NEGR1: variants seen among roughly 807,000 people sequenced by gnomAD.
The protein encoded by NEGR1 is IgLON family member 4.
Under a neutral mutation model 40.9 loss-of-function variants are expected in NEGR1, and 10 were observed. The ratio of observed to expected loss-of-function variants is 0.24; its 90% CI spans 0.15 to 0.42. The LOEUF is 0.42. Among genes scored for constraint, NEGR1 ranks in the 10% least tolerant of loss-of-function variants. NEGR1 has a pLI of 1.00. For synonymous variants in NEGR1, 185 were observed against 166.8 expected, an observed-to-expected ratio of 1.11 and a Z score of -0.84; for missense variants, 352 against 438.9, an observed-to-expected ratio of 0.80 and a Z score of 1.77.
chr1:71,916,155 T>A (rs1661576601), intron 2 of NEGR1, among the ~76,000 whole-genome samples: 1 of 152,170 alleles, frequency 6.6e-6, no homozygotes. Context: ...TGACTACACT[T>A]CTTCCTACAG....
chr1:72,282,304 C>T lies in NEGR1; in HGVS notation c.176+15G>A. ...TAGACCGAAACAAGTACGAAAAGCACGCCGTTCTTCCTACCTAAGCACCGC... is the reference window on the plus strand; with the variant it reads ...TAGACCGAAACAAGTACGAAAAGCATGCCGTTCTTCCTACCTAAGCACCGC... On this transcript the variant is annotated intron_variant, in intron 1 of 6. Coordinates refer to ENST00000357731, the MANE Select transcript of NEGR1 (RefSeq NM_173808.3). 2 of 1,612,890 alleles carry T rather than the reference C, an allele frequency of 1.2e-6. No homozygotes were observed. The highest frequency in any genetic ancestry group is 1.7e-6 in the Non-Finnish European group (2 of 1,179,140).
At chr1:71,439,606 A>G (rs1057461721) in intron 6 of NEGR1, 3 of 152,238 alleles carry the variant, frequency 2.0e-5, no homozygotes, top group Non-Finnish European at 4.4e-5. Flanking sequence ...CCAGGAATCT[A>G]CCTGCCTTGG....
chr1:71,914,741 C>A (rs566760317), intron 2 of NEGR1, among the ~76,000 whole-genome samples: 9 of 152,272 alleles, frequency 5.9e-5, no homozygotes, highest in Non-Finnish European at 8.8e-5. Context: ...AGAGCTACCA[C>A]AGCTCATGTA....
intron 2 of NEGR1, among the ~76,000 whole-genome samples, chr1:71,925,729 A>G (rs62846962): frequency 1.5e-4 from 5 of 32,770 alleles, no homozygotes; most frequent in South Asian, 2.7e-3. Flanking sequence ...ATGATTTGGG[A>G]AAAAAAAAAA....
In NEGR1 at chr1:71,593,043, G is replaced by T. The variant is rs1223512307; in HGVS notation, c.789-75C>A. On this transcript the variant is annotated intron_variant, in intron 5 of 6. Transcript: ENST00000357731. ...TCATTTTTTTATCTTAGCTGGGGTT[G>T]TCATGGCAACCCATAGACAATTCAA... 43 of 1,045,026 alleles carry T rather than the reference G, an allele frequency of 4.1e-5. No individual in the cohort carries two copies. The Admixed American group carries it at 7.9e-4, about 19-fold the overall frequency. 64.7% of individuals were successfully genotyped at this position (1,045,026 alleles called of 1,614,324 possible). A position where few individuals can be genotyped will look rare whatever the true frequency, so the allele number is the denominator to read the frequency against.
intron 2 of NEGR1, among the ~76,000 whole-genome samples, chr1:71,925,946 GT>G (rs147663609): frequency 0.023 from 3,518 of 151,674 alleles, 123 homozygotes; most frequent in African/African-American, 0.079. Flanking sequence ...TATTTTCTTT[GT>G]TTTTTTTAAG....
chr1:72,148,960 C>T (rs1006099541), intron 1 of NEGR1, among the ~76,000 whole-genome samples: 10 of 152,168 alleles, frequency 6.6e-5, no homozygotes, highest in African/African-American at 2.2e-4. Context: ...TTATCCAGTT[C>T]CAAAGTCACT....
intron 4 of NEGR1, among the ~76,000 whole-genome samples, chr1:71,632,080 A>G (rs369396895): frequency 1.3e-5 from 2 of 151,772 alleles, no homozygotes; most frequent in Admixed American, 6.6e-5. Context: ...AAGGTATGGC[A>G]TATAACAAAC....
intron 1 of NEGR1, among the ~76,000 whole-genome samples, chr1:71,994,413 A>G (rs1311856730): frequency 6.6e-6 from 1 of 151,964 alleles, no homozygotes; most frequent in Non-Finnish European, 1.5e-5. Flanking sequence ...CTGTAGTACC[A>G]GCTACTCGGG....
chr1:71,671,784 C>A (rs1437237573), intron 4 of NEGR1, among the ~76,000 whole-genome samples: 4 of 152,160 alleles, frequency 2.6e-5, no homozygotes, highest in Non-Finnish European at 5.9e-5. Flanking sequence ...CCGTTAGTAC[C>A]CAATTAATCA....
chr1:72,188,993 T>C (rs572478907), intron 1 of NEGR1, among the ~76,000 whole-genome samples: 2 of 151,620 alleles, frequency 1.3e-5, no homozygotes, highest in African/African-American at 4.8e-5. Flanking sequence ...CTTTTTCTTA[T>C]CATCTAATGT....
intron 1 of NEGR1, among the ~76,000 whole-genome samples, chr1:72,026,349 C>A (rs1278797870): frequency 3.3e-5 from 5 of 150,102 alleles, no homozygotes; most frequent in Admixed American, 6.7e-5. Flanking sequence ...AAAACTAAAA[C>A]CCTTGTCTCT....
At chr1:71,988,874 C>T (rs1326994958) in intron 1 of NEGR1, among the ~76,000 whole-genome samples, 2 of 130,716 alleles carry the variant, frequency 1.5e-5, no homozygotes, top group Admixed American at 8.7e-5. Flanking sequence ...GGAAAAACCA[C>T]ATATCCATGC....
At chr1:72,040,593 A>T (rs891461313) in intron 1 of NEGR1, among the ~76,000 whole-genome samples, 5 of 148,094 alleles carry the variant, frequency 3.4e-5, no homozygotes, top group Non-Finnish European at 6.0e-5. Flanking sequence ...AAAAAAAAAA[A>T]AAAAAAAAAA....
intron 1 of NEGR1, among the ~76,000 whole-genome samples, chr1:72,131,923 C>A (rs985096475): frequency 6.6e-6 from 1 of 151,900 alleles, no homozygotes; most frequent in Non-Finnish European, 1.5e-5. Flanking sequence ...ATGGTGAAAC[C>A]CTGTCTCTAC....
chr1:71,750,234 C>A (rs1655525470), intron 3 of NEGR1, among the ~76,000 whole-genome samples: 1 of 151,846 alleles, frequency 6.6e-6, no homozygotes, highest in South Asian at 2.1e-4. Context: ...ACTTCATGAT[C>A]CACCCGCCTC....
At chr1:71,480,168 A>C (rs749350959) in intron 6 of NEGR1, among the ~76,000 whole-genome samples, 3 of 151,964 alleles carry the variant, frequency 2.0e-5, no homozygotes, top group Non-Finnish European at 4.4e-5. Context: ...TATCTACTGA[A>C]TGTTTACTAT....
At chr1:71,539,525 A>G (rs1409215151) in intron 6 of NEGR1, among the ~76,000 whole-genome samples, 1 of 151,690 alleles carries the variant, frequency 6.6e-6, no homozygotes. Context: ...ACATGCAGCT[A>G]TTGTTTGGAG....
chr1:71,458,534 T>C (rs538667278), intron 6 of NEGR1, among the ~76,000 whole-genome samples: 31 of 152,334 alleles, frequency 2.0e-4, no homozygotes, highest in African/African-American at 7.5e-4. Context: ...TATAATTTCA[T>C]TTAGATTGTC....
Sources: gnomAD v4.1 joint callset for allele counts (sites outside exome capture counted in the v4.1 genomes callset) on GRCh38, gnomAD v4.1.1 for gene constraint, MANE v1.5 for transcripts, NCBI Gene and HGNC (gene_info 2026-07-23, HGNC 2026-07-21) for gene names.